DOCK3: variants seen among roughly 807,000 people sequenced by gnomAD.
The protein encoded by DOCK3 is dedicator of cytokinesis 3.
DOCK3 carries 60 observed loss-of-function variants against 265.6 expected under a neutral mutation model. The observed-to-expected ratio is 0.23, with a 90% CI of 0.18 to 0.28. The LOEUF (loss-of-function observed/expected upper bound fraction) is 0.28, where lower values mean the gene tolerates loss of function less well. DOCK3 is among the 10% of genes least tolerant of loss of function. The pLI is 1.00. For missense variants in DOCK3, 1,981 were observed against 2,594.3 expected (o/e 0.76, Z 5.14); for synonymous variants, 881 against 938.0 (o/e 0.94, Z 1.11).
intron 5 of DOCK3, among the ~76,000 whole-genome samples, chr3:51,009,409 G>T (rs879121317): frequency 6.6e-6 from 1 of 152,112 alleles, no homozygotes; most frequent in African/African-American, 2.4e-5. Context: ...TTTTATAGAG[G>T]TGTTTATAGT....
chr3:50,966,792 T>C (rs1030598335), intron 5 of DOCK3, among the ~76,000 whole-genome samples: 1 of 151,920 alleles, frequency 6.6e-6, no homozygotes, highest in East Asian at 1.9e-4. Flanking sequence ...CTCCTGGGAG[T>C]AGGGGATGAC....
intron 12 of DOCK3, among the ~76,000 whole-genome samples, chr3:51,197,461 GATGGGCTGGGTAGCCCA>G (rs992222660): frequency 2.6e-5 from 4 of 152,176 alleles, no homozygotes; most frequent in Admixed American, 2.6e-4. Context: ...TGGTGGCTCT[GATGGGCTGGGTAGCCCA>G]ATCTCCAGGA....
intron 38 of DOCK3, among the ~76,000 whole-genome samples, chr3:51,342,005 C>T (rs2085274962): frequency 6.6e-6 from 1 of 152,212 alleles, no homozygotes; most frequent in Non-Finnish European, 1.5e-5. Context: ...CTCTGACTAC[C>T]TACTGTTAGA....
intron 14 of DOCK3, among the ~76,000 whole-genome samples, chr3:51,218,269 A>G (rs1431352614): frequency 6.6e-6 from 1 of 151,784 alleles, no homozygotes; most frequent in African/African-American, 2.4e-5. Flanking sequence ...CCCCATCTCT[A>G]AAAAAAATGC....
chr3:50,991,315 A>G (rs1575696777), intron 5 of DOCK3, among the ~76,000 whole-genome samples: 1 of 152,226 alleles, frequency 6.6e-6, no homozygotes, highest in African/African-American at 2.4e-5. Context: ...CTGGATAAAA[A>G]AGCAAGACCC....
chr3:51,186,663 C>T (rs2087620664), intron 12 of DOCK3, among the ~76,000 whole-genome samples: 1 of 152,162 alleles, frequency 6.6e-6, no homozygotes, highest in African/African-American at 2.4e-5. Context: ...CAGGGTTCCC[C>T]ACACTGTGTG....
chr3:51,314,595 C>T (rs1424707789), intron 31 of DOCK3, among the ~76,000 whole-genome samples: 1 of 152,148 alleles, frequency 6.6e-6, no homozygotes, highest in Non-Finnish European at 1.5e-5. Context: ...TGTATTTAAG[C>T]AGAAATATTG....
intron 12 of DOCK3, among the ~76,000 whole-genome samples, chr3:51,175,367 T>C (rs1231387930): frequency 6.6e-6 from 1 of 152,104 alleles, no homozygotes; most frequent in African/African-American, 2.4e-5. Flanking sequence ...AGACTGTGGC[T>C]AGGAGGGACT....
chr3:50,970,611 T>TAA (rs2077168915), intron 5 of DOCK3, among the ~76,000 whole-genome samples: 1 of 151,758 alleles, frequency 6.6e-6, no homozygotes, highest in Non-Finnish European at 1.5e-5. Flanking sequence ...CCAGAAGTTC[T>TAA]ATTTGGTTTT....
chr3:51,147,192 A>G (rs1194268216), intron 10 of DOCK3, among the ~76,000 whole-genome samples: 2 of 152,108 alleles, frequency 1.3e-5, no homozygotes, highest in Non-Finnish European at 2.9e-5. Flanking sequence ...AATTTCTCTG[A>G]GCTGTATAAT....
chr3:51,140,943 T>C (rs140456317), intron 9 of DOCK3, among the ~76,000 whole-genome samples: 3 of 152,288 alleles, frequency 2.0e-5, no homozygotes, highest in African/African-American at 7.2e-5. Context: ...AATTGTCTTT[T>C]TATTATTGAA....
chr3:51,287,926 C>T (rs1006018276), intron 27 of DOCK3, among the ~76,000 whole-genome samples: 7 of 152,216 alleles, frequency 4.6e-5, no homozygotes, highest in Non-Finnish European at 1.0e-4. Context: ...AAGTGTGCTA[C>T]ATATACACGT....
intron 9 of DOCK3, among the ~76,000 whole-genome samples, chr3:51,098,564 A>G (rs2082959084): frequency 6.6e-6 from 1 of 152,234 alleles, no homozygotes; most frequent in Non-Finnish European, 1.5e-5. Context: ...ATGGGCGAGC[A>G]CTTTTTTATT....
intron 32 of DOCK3, among the ~76,000 whole-genome samples, chr3:51,321,551 T>C (rs2083728510): frequency 6.6e-6 from 1 of 152,140 alleles, no homozygotes. Context: ...GAGCATGTTC[T>C]AACCTAATGC....
chr3:51,107,673 G>A (rs1056406134), intron 9 of DOCK3, among the ~76,000 whole-genome samples: 4 of 152,170 alleles, frequency 2.6e-5, no homozygotes, highest in Non-Finnish European at 5.9e-5. Flanking sequence ...CAAAACTTCC[G>A]ATAAATATAG....
At chr3:51,236,086 A>G (rs1011539229) in intron 19 of DOCK3, among the ~76,000 whole-genome samples, 1 of 152,186 alleles carries the variant, frequency 6.6e-6, no homozygotes, top group African/African-American at 2.4e-5. Flanking sequence ...TTCCTTAGAA[A>G]TGTATCACTC....
intron 5 of DOCK3, among the ~76,000 whole-genome samples, chr3:50,982,359 G>A (rs936578304): frequency 7.2e-5 from 11 of 151,838 alleles, no homozygotes; most frequent in South Asian, 4.2e-4. Context: ...GTTTATCACC[G>A]CAATTTGGTG....
At chr3:50,972,072 A>G (rs909726211) in intron 5 of DOCK3, among the ~76,000 whole-genome samples, 1 of 152,230 alleles carries the variant, frequency 6.6e-6, no homozygotes, top group Admixed American at 6.5e-5. Context: ...AGCTGTGAAG[A>G]TATCTATCTT....
In DOCK3 at chr3:51,016,946, A is replaced by T. The variant is rs1435863169; in HGVS notation, c.316-47502A>T. The stretch of plus-strand genomic sequence containing the variant: ...TATTAATATATACAATATATGTTAT[A>T]TATAATATATATATTATATATATAT... On this transcript the variant is annotated intron_variant, in intron 5 of 52. Coordinates refer to ENST00000266037, the MANE Select transcript of DOCK3 (RefSeq NM_004947.5). Among the ~76,000 whole-genome samples, 38 of 36,372 alleles carry T rather than the reference A, an allele frequency of 1.0e-3. 1 individual carries two copies. The highest frequency in any genetic ancestry group is 8.8e-5 in the Non-Finnish European group (2 of 22,628). 23.9% of individuals were successfully genotyped at this position (36,372 alleles called of 152,430 possible). A position where few individuals can be genotyped will look rare whatever the true frequency, so the allele number is the denominator to read the frequency against.
Sources: gnomAD v4.1 joint callset for allele counts (sites outside exome capture counted in the v4.1 genomes callset) on GRCh38, gnomAD v4.1.1 for gene constraint, MANE v1.5 for transcripts, NCBI Gene and HGNC (gene_info 2026-07-23, HGNC 2026-07-21) for gene names.